The following LCOR variants were observed in gnomAD, a reference collection of about 807,000 sequenced individuals.
LCOR encodes ligand-dependent corepressor.
In LCOR, 14 loss-of-function variants were observed where a neutral mutation model predicts 64.4. The ratio of observed to expected loss-of-function variants is 0.22; its 90% CI spans 0.14 to 0.34. The LOEUF (loss-of-function observed/expected upper bound fraction) is 0.34, where lower values mean the gene tolerates loss of function less well. Ranked by LOEUF, LCOR falls within the 10% of genes least tolerant of loss-of-function variation. The pLI is 1.00. For missense variants in LCOR, 1,686 were observed against 1,765.3 expected (o/e 0.96, Z 0.80); for synonymous variants, 643 against 642.5 (o/e 1.00, Z -0.01).
chr10:96,889,422 C>T (rs373762712), intron 2 of LCOR, among the ~76,000 whole-genome samples: 4 of 152,274 alleles, frequency 2.6e-5, no homozygotes, highest in Admixed American at 6.5e-5. Flanking sequence ...GATCAAGGTC[C>T]GGCAGTGTTG....
At chr10:96,976,890 G>A (rs547548497) in intron 7 of LCOR, among the ~76,000 whole-genome samples, 2 of 152,330 alleles carry the variant, frequency 1.3e-5, no homozygotes, top group Non-Finnish European at 2.9e-5. Flanking sequence ...TTTGCGAAGA[G>A]TTAGGTAATG....
intron 2 of LCOR, among the ~76,000 whole-genome samples, chr10:96,885,328 C>G (rs1846323947): frequency 6.6e-6 from 1 of 152,016 alleles, no homozygotes; most frequent in South Asian, 2.1e-4. Flanking sequence ...CGTTTGTTGA[C>G]TTGTCATTTG....
At chr10:96,869,763 C>A (rs1446936183) in intron 2 of LCOR, among the ~76,000 whole-genome samples, 1 of 151,774 alleles carries the variant, frequency 6.6e-6, no homozygotes. Context: ...TTAGTAGAGA[C>A]AGGGTTTCTC....
In LCOR at chr10:96,982,187, A is replaced by AGGAAGGAGGTGGAGACGT. The variant is rs755894387; in HGVS notation, c.1728_1745dup (p.Glu577_Val582dup). On this transcript the variant is annotated inframe_insertion, in exon 8 of 8. Coordinates refer to ENST00000421806, the MANE Select transcript of LCOR (RefSeq NM_001346516.2). ...CCTAGCAAGGAAATCACCTCTCACG[A>AGGAAGGAGGTGGAGACGT]GGAAGGAGGTGGAGACGTTTCACCT... The AGGAAGGAGGTGGAGACGT allele has an allele frequency of 1.8e-5, 29 of 1,614,048 alleles. No homozygotes were observed. The highest frequency in any genetic ancestry group is 1.3e-4 in the Admixed American group (8 of 60,004).
chr10:96,901,659 G>A (rs1025047752), intron 2 of LCOR, among the ~76,000 whole-genome samples: 1 of 152,112 alleles, frequency 6.6e-6, no homozygotes, highest in South Asian at 2.1e-4. Flanking sequence ...GATACTGCAC[G>A]TCTGGCCACC....
intron 4 of LCOR, among the ~76,000 whole-genome samples, chr10:96,930,846 A>G (rs1484824161): frequency 6.6e-6 from 1 of 152,170 alleles, no homozygotes; most frequent in African/African-American, 2.4e-5. Context: ...GAGCGCAGCA[A>G]GAAGGCCTTC....
chr10:96,887,623 G>A, intron 2 of LCOR, among the ~76,000 whole-genome samples: 1 of 150,458 alleles, frequency 6.6e-6, no homozygotes. Context: ...TCTATGCAAT[G>A]CAATGGAAAA....
chr10:96,929,500 G>C (rs2134486560), intron 4 of LCOR, among the ~76,000 whole-genome samples: 1 of 152,336 alleles, frequency 6.6e-6, no homozygotes, highest in African/African-American at 2.4e-5. Flanking sequence ...TTAGAGCCTT[G>C]CTCTGGATTA....
intron 7 of LCOR, chr10:96,962,486 T>A (rs1690513918): frequency 6.6e-6 from 1 of 152,144 alleles, no homozygotes; most frequent in African/African-American, 2.4e-5. Context: ...TGGAAGGGTA[T>A]ATTTCTAAAA....
chr10:96,963,654 G>C (rs1054096927), intron 7 of LCOR: 1 of 152,166 alleles, frequency 6.6e-6, no homozygotes, highest in African/African-American at 2.4e-5. Context: ...TTGTAGCCTT[G>C]AAGTTCTCAG....
At chr10:96,962,739 CT>C (rs1459265152) in intron 7 of LCOR, 1 of 152,046 alleles carries the variant, frequency 6.6e-6, no homozygotes, top group Non-Finnish European at 1.5e-5. Flanking sequence ...GGGATGTATA[CT>C]TTACAGCAGC....
In LCOR at chr10:96,883,469, G is replaced by T. The variant is rs148222396; in HGVS notation, c.-329-23796G>T. Among the ~76,000 whole-genome samples, 17 of 152,262 alleles carry T rather than the reference G, an allele frequency of 1.1e-4. No homozygotes were observed. In the East Asian group the frequency reaches 3.1e-3, roughly 28 times the overall value. ...TCTTCCAAAGTGGTTGTACAATTTC[G>T]CATTTCTGAGAGTTCTGTTGCCCCA... On this transcript the variant is annotated intron_variant, in intron 2 of 7. Transcript: ENST00000421806.
chr10:96,833,373 C>G (rs1845381927), intron 1 of LCOR, 33 bp from the exon 2 acceptor site: 1 of 984,008 alleles, frequency 1.0e-6, no homozygotes, highest in South Asian at 4.7e-5. Context: ...GCGCCTCTCA[C>G]ACTGTGTGTT....
At chr10:96,885,154 A>G (rs1375883261) in intron 2 of LCOR, among the ~76,000 whole-genome samples, 8 of 152,140 alleles carry the variant, frequency 5.3e-5, no homozygotes, top group South Asian at 4.1e-4. Context: ...TAAATACCAC[A>G]TTATTTTGGC....
At chr10:96,941,730 C>T (rs1229761990) in intron 4 of LCOR, among the ~76,000 whole-genome samples, 6 of 150,944 alleles carry the variant, frequency 4.0e-5, no homozygotes, top group Admixed American at 1.3e-4. Flanking sequence ...TCAGACGGGG[C>T]GGCCGGGCAG....
intron 2 of LCOR, among the ~76,000 whole-genome samples, chr10:96,897,473 T>A (rs1297095686): frequency 6.6e-6 from 1 of 152,218 alleles, no homozygotes; most frequent in Non-Finnish European, 1.5e-5. Flanking sequence ...CAGTTTGATA[T>A]ACTAGAAAAA....
intron 5 of LCOR, among the ~76,000 whole-genome samples, chr10:96,944,797 G>A (rs1460941385): frequency 6.6e-6 from 1 of 151,886 alleles, no homozygotes; most frequent in Non-Finnish European, 1.5e-5. Flanking sequence ...TCAACCTCTT[G>A]CATTTTTAAA....
At chr10:96,929,945 A>G (rs759159431) in intron 4 of LCOR, among the ~76,000 whole-genome samples, 4 of 152,218 alleles carry the variant, frequency 2.6e-5, no homozygotes, top group Admixed American at 6.5e-5. Flanking sequence ...ACATTTATCA[A>G]TTTAGTTCAC....
chr10:96,843,539 T>G (rs1325159086), intron 2 of LCOR, among the ~76,000 whole-genome samples: 1 of 152,224 alleles, frequency 6.6e-6, no homozygotes, highest in Admixed American at 6.5e-5. Context: ...TTATCAAAGC[T>G]AGAAAGGATG....
Sources: allele counts gnomAD v4.1 joint callset (sites outside exome capture counted in the v4.1 genomes callset), GRCh38; gene constraint gnomAD v4.1.1; transcripts MANE v1.5; gene names NCBI Gene and HGNC (gene_info 2026-07-23, HGNC 2026-07-21).